The following SH3GL3 variants were observed in gnomAD, a reference collection of about 807,000 sequenced individuals.
SH3GL3 encodes SH3 domain containing GRB2 like 3, endophilin A3.
Under a neutral mutation model 47.7 loss-of-function variants are expected in SH3GL3, and 33 were observed. The ratio of observed to expected loss-of-function variants is 0.69; its 90% CI spans 0.52 to 0.92. The LOEUF (loss-of-function observed/expected upper bound fraction) is 0.92. Among genes scored for constraint, SH3GL3 ranks in the 40% least tolerant of loss-of-function variants. The pLI, the probability that SH3GL3 is intolerant of heterozygous loss-of-function variation, is 0.00. For missense variants in SH3GL3, 363 were observed against 417.8 expected, an observed-to-expected ratio of 0.87 and a Z score of 1.14; for synonymous variants, 155 against 148.8, an observed-to-expected ratio of 1.04 and a Z score of -0.30.
chr15:83,476,925 G>A (rs1167294479), intron 1 of SH3GL3, among the ~76,000 whole-genome samples: 2 of 152,218 alleles, frequency 1.3e-5, no homozygotes, highest in African/African-American at 2.4e-5. Flanking sequence ...ATGCAGTTTG[G>A]TTGTGCATTT....
At chr15:83,554,720 T>A (rs2044854328) in intron 1 of SH3GL3, among the ~76,000 whole-genome samples, 1 of 152,202 alleles carries the variant, frequency 6.6e-6, no homozygotes, top group South Asian at 2.1e-4. Context: ...TTGATGCCAT[T>A]CCTTCATTGT....
At chr15:83,553,320 A>G (rs769144305) in intron 1 of SH3GL3, among the ~76,000 whole-genome samples, 2 of 152,088 alleles carry the variant, frequency 1.3e-5, no homozygotes, top group Admixed American at 6.6e-5. Flanking sequence ...CAGTCTTTCT[A>G]TGTGTTGTGT....
At chr15:83,501,260 C>T (rs2042281909) in intron 1 of SH3GL3, among the ~76,000 whole-genome samples, 1 of 152,056 alleles carries the variant, frequency 6.6e-6, no homozygotes, top group African/African-American at 2.4e-5. Context: ...TCTGGAAAAA[C>T]TGTATTTTTA....
At chr15:83,624,799 G>A in the SH3GL3 span, among the ~76,000 whole-genome samples, 1 of 152,178 alleles carries the variant, frequency 6.6e-6, no homozygotes, top group Admixed American at 6.5e-5. Context: ...GCCAGGCATG[G>A]TGGTGTGCAA....
intron 1 of SH3GL3, among the ~76,000 whole-genome samples, chr15:83,508,393 C>A (rs192670303): frequency 4.6e-5 from 7 of 151,716 alleles, no homozygotes; most frequent in African/African-American, 1.2e-4. Flanking sequence ...CTTAGAAACA[C>A]GCTGGAGGTG....
At chr15:83,467,144 T>C (rs1195817527) in intron 1 of SH3GL3, among the ~76,000 whole-genome samples, 2 of 152,246 alleles carry the variant, frequency 1.3e-5, no homozygotes, top group African/African-American at 2.4e-5. Flanking sequence ...TTTTCTCCTA[T>C]GTCTATTTCT....
chr15:83,623,371 A>T (rs2060920183), downstream of SH3GL3, among the ~76,000 whole-genome samples: 1 of 152,132 alleles, frequency 6.6e-6, no homozygotes, highest in African/African-American at 2.4e-5. Flanking sequence ...GGACTGGGGG[A>T]TAGTTGGCTG....
intron 1 of SH3GL3, among the ~76,000 whole-genome samples, chr15:83,537,488 G>A (rs2043965015): frequency 1.3e-5 from 2 of 152,208 alleles, no homozygotes; most frequent in Non-Finnish European, 2.9e-5. Flanking sequence ...GAAGCACAGA[G>A]AAGTTCACAG....
chr15:83,581,417 G>C (rs1326353677), intron 6 of SH3GL3, among the ~76,000 whole-genome samples: 1 of 152,190 alleles, frequency 6.6e-6, no homozygotes, highest in Non-Finnish European at 1.5e-5. Flanking sequence ...GGGGCAGCTT[G>C]GGCCTGGGCC....
At chr15:83,575,841 AG>A (rs1489434196) in intron 5 of SH3GL3, among the ~76,000 whole-genome samples, 1 of 152,088 alleles carries the variant, frequency 6.6e-6, no homozygotes, top group Admixed American at 6.6e-5. Context: ...TAAACTCTCC[AG>A]GGACCCCTCC....
At chr15:83,628,624 T>A in the SH3GL3 span, among the ~76,000 whole-genome samples, 3 of 151,946 alleles carry the variant, frequency 2.0e-5, no homozygotes, top group Non-Finnish European at 4.4e-5. Flanking sequence ...GTGCCTGTAA[T>A]CCCAGCTACT....
intron 1 of SH3GL3, among the ~76,000 whole-genome samples, chr15:83,458,237 T>A (rs1748315634): frequency 6.6e-6 from 1 of 152,172 alleles, no homozygotes; most frequent in South Asian, 2.1e-4. Flanking sequence ...CTGAGAGAAG[T>A]ACTATTGATG....
intron 1 of SH3GL3, among the ~76,000 whole-genome samples, chr15:83,550,773 A>G (rs1309887804): frequency 6.6e-6 from 1 of 152,170 alleles, no homozygotes. Flanking sequence ...CCAAATATAT[A>G]TAGTCAAGAG....
At chr15:83,473,758 A>G (rs555840780) in intron 1 of SH3GL3, among the ~76,000 whole-genome samples, 2 of 151,548 alleles carry the variant, frequency 1.3e-5, no homozygotes, top group South Asian at 2.1e-4. Flanking sequence ...CGTGTTAGCC[A>G]GGATGGTCTC....
intron 1 of SH3GL3, among the ~76,000 whole-genome samples, chr15:83,463,381 A>G (rs773287670): frequency 3.3e-5 from 5 of 151,756 alleles, no homozygotes; most frequent in Non-Finnish European, 7.4e-5. Context: ...AGCAGCTTAC[A>G]TGAGCTTATC....
At chr15:83,472,469 A>AT (rs760435344) in intron 1 of SH3GL3, among the ~76,000 whole-genome samples, 1 of 151,162 alleles carries the variant, frequency 6.6e-6, no homozygotes, top group Non-Finnish European at 1.5e-5. Flanking sequence ...TCCAGTTCAC[A>AT]TTTTTTTTCT....
chr15:83,557,788 G>A (rs1363191314), intron 1 of SH3GL3, among the ~76,000 whole-genome samples: 1 of 152,158 alleles, frequency 6.6e-6, no homozygotes, highest in Non-Finnish European at 1.5e-5. Flanking sequence ...TTGTTTCTGT[G>A]GGGTCAAAAC....
At chr15:83,537,953 G>A (rs1483844156) in intron 1 of SH3GL3, among the ~76,000 whole-genome samples, 1 of 151,974 alleles carries the variant, frequency 6.6e-6, no homozygotes, top group Non-Finnish European at 1.5e-5. Context: ...GTGTGTATTT[G>A]GTCCGCCATC....
chr15:83,499,983 T>C (rs971906766), intron 1 of SH3GL3, among the ~76,000 whole-genome samples: 4 of 152,182 alleles, frequency 2.6e-5, no homozygotes, highest in African/African-American at 9.7e-5. Flanking sequence ...AATGGACACA[T>C]GACACTGGAG....
Sources: allele counts gnomAD v4.1 joint callset (sites outside exome capture counted in the v4.1 genomes callset), GRCh38; gene constraint gnomAD v4.1.1; transcripts MANE v1.5; gene names NCBI Gene and HGNC (gene_info 2026-07-23, HGNC 2026-07-21).